Variants in AGPAT4 observed in about 807,000 individuals in gnomAD.
The protein encoded by AGPAT4 is 1-acyl-sn-glycerol-3-phosphate acyltransferase delta.
Under a neutral mutation model 48.0 loss-of-function variants are expected in AGPAT4, and 15 were observed. The ratio of observed to expected loss-of-function variants is 0.31; its 90% CI spans 0.21 to 0.48. The LOEUF (loss-of-function observed/expected upper bound fraction) is 0.48. Ranked by LOEUF, AGPAT4 falls within the 20% of genes least tolerant of loss-of-function variation. The pLI, the probability that AGPAT4 is intolerant of heterozygous loss-of-function variation, is 0.99. For synonymous variants in AGPAT4, 178 were observed against 198.7 expected (o/e 0.90, Z 0.88); for missense variants, 314 against 482.5 (o/e 0.65, Z 3.27).
At position 161,221,931 on chromosome 6, in the gene AGPAT4, T is replaced by C. The variant is rs2115028129; in HGVS notation, c.178+10105A>G. Among the ~76,000 whole-genome samples, 1 of 152,344 alleles carries C rather than the reference T, an allele frequency of 6.6e-6. No individual in the cohort carries two copies. The highest frequency in any genetic ancestry group is 3.4e-3 in the Middle Eastern group (1 of 294). ...CTTGATCATCTATGAAGACTCTATTTCCAAACAAGTTCACATTCACAAGCA... is the reference window on the plus strand; with the variant it reads ...CTTGATCATCTATGAAGACTCTATTCCCAAACAAGTTCACATTCACAAGCA... On this transcript the variant is annotated intron_variant, in intron 2 of 8. Coordinates refer to ENST00000320285, the MANE Select transcript of AGPAT4 (RefSeq NM_020133.3). This position sits in a 1 kb window ranked among gnomAD's most constrained non-coding sequence, Gnocchi z 4.5.
At chr6:161,156,740 C>T (rs903131632) in intron 3 of AGPAT4, among the ~76,000 whole-genome samples, 6 of 152,228 alleles carry the variant, frequency 3.9e-5, no homozygotes, top group African/African-American at 1.4e-4. Flanking sequence ...GGCCATAACA[C>T]CCACACTGGA....
rs1476770470 is a variant in AGPAT4, at chr6:161,200,673, T to TC, written c.178+31362dup. 6.6e-6 allele frequency among the ~76,000 whole-genome samples: 1 copy of TC among 152,222 alleles called. No homozygotes were observed. The highest frequency in any genetic ancestry group is 1.5e-5 in the Non-Finnish European group (1 of 68,040). On this transcript the variant is annotated intron_variant, in intron 2 of 8. Transcript: ENST00000320285. The surrounding 1 kb of genome is among the most constrained non-coding windows in gnomAD (Gnocchi z 5.5). ...CTATGTTGACTAGGGACACCATAGG[T>TC]CCCTCCTCTGCTCTTTGTAAAGAAT...
intron 2 of AGPAT4, among the ~76,000 whole-genome samples, chr6:161,192,561 T>C (rs1204698219): frequency 6.6e-6 from 1 of 152,346 alleles, no homozygotes. Context: ...CAAGACTTTA[T>C]CATTGTTTAT....
intron 4 of AGPAT4, among the ~76,000 whole-genome samples, chr6:161,153,872 G>T (rs1345028961): frequency 2.0e-5 from 3 of 150,082 alleles, no homozygotes; most frequent in Non-Finnish European, 4.4e-5. Context: ...ATCACACACG[G>T]CCCCATGGTC....
Position 161,232,832 on chromosome 6 carries a change from G to T in AGPAT4, c.-89-530C>A, listed in dbSNP as rs907722344. On this transcript the variant is annotated intron_variant, in intron 1 of 8. Transcript: ENST00000320285. This position sits in a 1 kb window ranked among gnomAD's most constrained non-coding sequence, Gnocchi z 6.8. ...TAAAGTCAAGCCTGCCCTGGACAAGGACGAGGACATACCCAGAGTGGGTGC... is the reference window on the plus strand; with the variant it reads ...TAAAGTCAAGCCTGCCCTGGACAAGTACGAGGACATACCCAGAGTGGGTGC... Among the ~76,000 whole-genome samples the T allele has an allele frequency of 2.6e-5, 4 of 152,170 alleles. No homozygotes were observed. Among genetic ancestry groups the T allele is most frequent in the Non-Finnish European group, 2.9e-5 (2 of 68,040 alleles).
Position 161,234,057 on chromosome 6 carries a change from G to A in AGPAT4, c.-89-1755C>T, listed in dbSNP as rs1782200704. 6.6e-6 allele frequency among the ~76,000 whole-genome samples: 1 copy of A among 152,184 alleles called. No individual in the cohort carries two copies. Among genetic ancestry groups the A allele is most frequent in the Admixed American group, 6.5e-5 (1 of 15,274 alleles). ...GTCAGGGGTGTTCTGCTCCTGAGATGTGAGGCGGGAGGTCTCTTGGGCTCA... is the reference window on the plus strand; with the variant it reads ...GTCAGGGGTGTTCTGCTCCTGAGATATGAGGCGGGAGGTCTCTTGGGCTCA... On this transcript the variant is annotated intron_variant, in intron 1 of 8. Coordinates refer to ENST00000320285, the MANE Select transcript of AGPAT4 (RefSeq NM_020133.3). This position sits in a 1 kb window ranked among gnomAD's most constrained non-coding sequence, Gnocchi z 4.4.
At position 161,189,004 on chromosome 6, in the gene AGPAT4, C is replaced by T. The variant is rs1191711661; in HGVS notation, c.179-22587G>A. 2.0e-5 allele frequency among the ~76,000 whole-genome samples: 3 copies of T among 152,166 alleles called. No homozygotes were observed. The highest frequency in any genetic ancestry group is 4.4e-5 in the Non-Finnish European group (3 of 68,030). On this transcript the variant is annotated intron_variant, in intron 2 of 8. Transcript: ENST00000320285. This position sits in a 1 kb window ranked among gnomAD's most constrained non-coding sequence, Gnocchi z 5.3. ...CTCAGTCCTCTTGCTTTGCTGGCCT[C>T]GTGCACGTGCAGAACACGTGTTTCT...
chr6:161,168,970 A>G (rs1780190444), intron 2 of AGPAT4, among the ~76,000 whole-genome samples: 1 of 152,228 alleles, frequency 6.6e-6, no homozygotes, highest in South Asian at 2.1e-4. Flanking sequence ...CATGGACTCA[A>G]GGCACCTAGC....
intron 2 of AGPAT4, among the ~76,000 whole-genome samples, chr6:161,182,078 C>T (rs188826899): frequency 2.0e-5 from 3 of 152,146 alleles, no homozygotes; most frequent in East Asian, 3.9e-4. Flanking sequence ...TCTTTGACCC[C>T]GACCAGTCTG....
chr6:161,232,495 C>A lies in AGPAT4; in HGVS notation c.-89-193G>T, dbSNP rs371829991. On this transcript the variant is annotated intron_variant, in intron 1 of 8. Transcript: ENST00000320285. The surrounding 1 kb of genome is among the most constrained non-coding windows in gnomAD (Gnocchi z 6.8). ...ATAGTCTAAGCCCTTTAACAATAAT[C>A]CTTCCTTTAATTCTCCCAATATCCT... Among the ~76,000 whole-genome samples the A allele has an allele frequency of 4.6e-5, 7 of 152,282 alleles. No homozygotes were observed. In the East Asian group the frequency reaches 9.7e-4, roughly 21 times the overall value.
Position 161,200,903 on chromosome 6 carries a change from AC to A in AGPAT4, c.178+31132del, listed in dbSNP as rs148574331. On this transcript the variant is annotated intron_variant, in intron 2 of 8. Transcript: ENST00000320285. This position sits in a 1 kb window ranked among gnomAD's most constrained non-coding sequence, Gnocchi z 5.5. Reference sequence around the variant, plus strand: ...TTTTAGAATGGCAGATCCCAATCACACTTTGCATTTTGGCTGGAGCTAAAAC... The same window carrying A: ...TTTTAGAATGGCAGATCCCAATCACATTTGCATTTTGGCTGGAGCTAAAAC... Among the ~76,000 whole-genome samples, 410 of 152,294 alleles carry A rather than the reference AC, an allele frequency of 2.7e-3. 3 individuals are homozygous for A. The highest frequency in any genetic ancestry group is 9.6e-3 in the African/African-American group (399 of 41,560).
rs547850131 is a variant in AGPAT4, at chr6:161,130,631, G to A, written c.*5909C>T. ...TGCCCATGGTTAGATCTCTTTCCTT[G>A]ATAGAACAAGCAAAAGAGGGGCTGA... is the stretch of plus-strand genomic sequence containing the variant. On this transcript the variant is annotated 3_prime_UTR_variant, in exon 9 of 9. Coordinates refer to ENST00000320285, the MANE Select transcript of AGPAT4 (RefSeq NM_020133.3). 29 of 269,878 alleles carry A rather than the reference G, an allele frequency of 1.1e-4. No individual in the cohort carries two copies. The South Asian group carries it at 1.1e-3, about 10-fold the overall frequency. 16.7% of individuals were successfully genotyped at this position (269,878 alleles called of 1,614,324 possible). A position where few individuals can be genotyped will look rare whatever the true frequency, so the allele number is the denominator to read the frequency against.
At position 161,166,231 on chromosome 6, in the gene AGPAT4, A is replaced by T. The variant is rs1780093048; in HGVS notation, c.348+17T>A. ...AGAGAAATGTGTGAGGCAGGGGGGA[A>T]TGCACTTCTGACTTACCCCTAACAG... On this transcript the variant is annotated intron_variant, in intron 3 of 8. Transcript: ENST00000320285. The surrounding 1 kb of genome is among the most constrained non-coding windows in gnomAD (Gnocchi z 6.7). 6.2e-7 allele frequency: 1 copy of T among 1,612,598 alleles called. No homozygotes were observed. The highest frequency in any genetic ancestry group is 2.2e-5 in the East Asian group (1 of 44,866).
chr6:161,228,661 T>TAAAAAAA (rs375011382), intron 2 of AGPAT4, among the ~76,000 whole-genome samples: 6 of 84,090 alleles, frequency 7.1e-5, no homozygotes, highest in East Asian at 3.5e-4. Flanking sequence ...GTCAGAGAGG[T>TAAAAAAA]AAAAAAAAAA....
At position 161,198,335 on chromosome 6, in the gene AGPAT4, T is replaced by C. The variant is rs980036124; in HGVS notation, c.179-31918A>G. On this transcript the variant is annotated intron_variant, in intron 2 of 8. Coordinates refer to ENST00000320285, the MANE Select transcript of AGPAT4 (RefSeq NM_020133.3). This position sits in a 1 kb window ranked among gnomAD's most constrained non-coding sequence, Gnocchi z 4.3. Reference sequence around the variant, plus strand: ...TCACAATCCCCTCTCCTCCGGGGCATTTGGCAATGTCTGGAGACATTTTTC... The same window carrying C: ...TCACAATCCCCTCTCCTCCGGGGCACTTGGCAATGTCTGGAGACATTTTTC... Among the ~76,000 whole-genome samples, 7 of 152,228 alleles carry C rather than the reference T, an allele frequency of 4.6e-5. No homozygotes were observed. The highest frequency in any genetic ancestry group is 9.6e-5 in the African/African-American group (4 of 41,462).
Position 161,136,634 on chromosome 6 carries a change from G to C in AGPAT4, c.1043C>G (p.Ala348Gly). 3 of 1,613,788 alleles carry C rather than the reference G, an allele frequency of 1.9e-6. No homozygotes were observed. Among genetic ancestry groups the C allele is most frequent in the East Asian group, 2.2e-5 (1 of 44,870 alleles). ...AATCATCCATCGAACTCCCACGGAG[G>C]CTGCAGAGACAAGGAGAGCAGAGTT... ...LASFILVFFV[A>G]SVGVRWMIGV... The change falls in exon 9 of 9, where the codon GCC (alanine) becomes GGC (glycine). Residue 348 changes from alanine to glycine, a missense_variant and splice_region_variant. Coordinates refer to ENST00000320285, the MANE Select transcript of AGPAT4 (RefSeq NM_020133.3).
At chr6:161,162,361 C>T (rs1195674598) in intron 3 of AGPAT4, among the ~76,000 whole-genome samples, 5 of 152,222 alleles carry the variant, frequency 3.3e-5, no homozygotes, top group South Asian at 2.1e-4. Context: ...TCCCGGGTCC[C>T]GGTTACAGAA....
In AGPAT4 at chr6:161,226,145, C is replaced by A. The variant is rs1781975626; in HGVS notation, c.178+5891G>T. ...GGCTGTGTCCTCCCAGCAGAGGTAG[C>A]CAGTAGGTCCTGCCCAACTCCACAT... On this transcript the variant is annotated intron_variant, in intron 2 of 8. Coordinates refer to ENST00000320285, the MANE Select transcript of AGPAT4 (RefSeq NM_020133.3). The surrounding 1 kb of genome is among the most constrained non-coding windows in gnomAD (Gnocchi z 6.3). 6.6e-6 allele frequency among the ~76,000 whole-genome samples: 1 copy of A among 152,124 alleles called. No individual in the cohort carries two copies. Among genetic ancestry groups the A allele is most frequent in the Non-Finnish European group, 1.5e-5 (1 of 68,030 alleles).
intron 1 of AGPAT4, among the ~76,000 whole-genome samples, chr6:161,273,278 G>A (rs899203040): frequency 1.3e-5 from 2 of 152,014 alleles, no homozygotes; most frequent in African/African-American, 2.4e-5. Flanking sequence ...AAATAGAGAG[G>A]TAATTACCAA....
Sources: gnomAD v4.1 joint callset for allele counts (sites outside exome capture counted in the v4.1 genomes callset) on GRCh38, gnomAD v4.1.1 for gene constraint, Gnocchi (gnomAD v3.1) non-coding constraint, MANE v1.5 for transcripts, NCBI Gene and HGNC (gene_info 2026-07-23, HGNC 2026-07-21) for gene names.